MTMR1: variants seen among roughly 807,000 people sequenced by gnomAD.
MTMR1 encodes the protein myotubularin related protein 1.
Under a neutral mutation model 51.6 loss-of-function variants are expected in MTMR1, and 17 were observed. The observed-to-expected ratio is 0.33, with a 90% CI of 0.23 to 0.49. MTMR1 has a LOEUF of 0.49. MTMR1 is among the 20% of genes least tolerant of loss of function. MTMR1 has a pLI of 0.99. For synonymous variants in MTMR1, 201 were observed against 205.6 expected (o/e 0.98, Z 0.19); for missense variants, 386 against 526.9 (o/e 0.73, Z 2.62).
chrX:150,730,852 T>C (rs905750712), intron 8 of MTMR1, among the ~76,000 whole-genome samples: 1 of 112,053 alleles, frequency 8.9e-6, no homozygotes, highest in African/African-American at 3.2e-5. Flanking sequence ...CAAGGACGGG[T>C]TTAAAAACCA....
At chrX:150,699,381 T>C (rs2040822524) in intron 2 of MTMR1, 81 bp downstream of exon 2, 3 of 641,259 alleles carry the variant, frequency 4.7e-6, no homozygotes, top group Non-Finnish European at 7.0e-6. Flanking sequence ...AAGTGAGCTG[T>C]TGGCCTTTTG....
At position 150,752,074 on chromosome X, in the gene MTMR1, G is replaced by A. The variant is rs147627329; in HGVS notation, c.1680+1231G>A. On this transcript the variant is annotated intron_variant, in intron 14 of 15. Coordinates refer to ENST00000445323, the MANE Select transcript of MTMR1 (RefSeq NM_001306144.3). ...TGGGATTATAGGCACCCGCCACCAC[G>A]CCCGGCTAATTTTTTGTATGTTTAG... 2.9e-3 allele frequency among the ~76,000 whole-genome samples: 319 copies of A among 109,165 alleles called. 1 individual carries two copies. The highest frequency in any genetic ancestry group is 0.01 in the African/African-American group (302 of 29,921). The allele number at this position is 109,165 out of a possible 115,157, so 94.8% of individuals were successfully genotyped here.
chrX:150,722,935 C>T (rs991884220), intron 4 of MTMR1, among the ~76,000 whole-genome samples: 1 of 108,292 alleles, frequency 9.2e-6, no homozygotes, highest in Non-Finnish European at 1.9e-5. Context: ...ATGTGCCATG[C>T]TGGTGTGCTG....
chrX:150,711,733 G>A (rs1165661521), intron 2 of MTMR1, among the ~76,000 whole-genome samples: 1 of 112,252 alleles, frequency 8.9e-6, no homozygotes, highest in African/African-American at 3.2e-5. Context: ...GTGCTGGGGC[G>A]GGGAGCGGGC....
chrX:150,743,454 A>T (rs1464317015), intron 12 of MTMR1, among the ~76,000 whole-genome samples: 2 of 112,285 alleles, frequency 1.8e-5, no homozygotes, highest in African/African-American at 6.5e-5. Context: ...TGTCATGTGT[A>T]TTTCACCACA....
chrX:150,755,838 A>G lies in MTMR1; in HGVS notation c.1830A>G (p.Val610=). 8.3e-7 allele frequency: 1 copy of G among 1,204,629 alleles called. No homozygotes were observed. Among genetic ancestry groups the G allele is most frequent in the Non-Finnish European group, 1.1e-6 (1 of 892,782 alleles). ...SHLELWVNYY[V]RWNPRMRPQM... is the part of the protein sequence containing the mutation. ...TGGAATTGTGGGTAAATTATTATGTACGATGGAATCCACGGATGAGACCTC... is the reference window on the plus strand; with the variant it reads ...TGGAATTGTGGGTAAATTATTATGTGCGATGGAATCCACGGATGAGACCTC... Residue 610 remains valine, a synonymous_variant, in exon 15 of 16, where the codon GTA becomes GTG. Transcript: ENST00000445323.
At chrX:150,729,223 CA>C (rs2042037880) in intron 6 of MTMR1, among the ~76,000 whole-genome samples, 4 of 108,524 alleles carry the variant, frequency 3.7e-5, no homozygotes, top group African/African-American at 1.4e-4. Flanking sequence ...CCCACCCACA[CA>C]CACACACACA....
chrX:150,732,620 C>T lies in MTMR1; in HGVS notation c.970C>T (p.Arg324Cys), dbSNP rs1013831689. Residue 324 changes from arginine (R) to cysteine (C), a missense_variant, in exon 10 of 16, where the codon CGC becomes TGC. Physicochemically the swap from Arg to Cys is radical, Grantham distance 180. Transcript: ENST00000445323. ...GCCACTTGTGGGTCCCAATGATAAG[C>T]GCTGCAAAGAGGATGAAAAATACTT... ...SQPLVGPNDK[R>C]CKEDEKYLQT... 11 of 1,210,918 alleles carry T rather than the reference C, an allele frequency of 9.1e-6. No homozygotes were observed. Among genetic ancestry groups the T allele is most frequent in the South Asian group, 1.8e-5 (1 of 56,891 alleles).
In MTMR1 at chrX:150,744,712, A is replaced by G. The variant is rs16996727; in HGVS notation, c.1566+259A>G. Among the ~76,000 whole-genome samples the G allele has an allele frequency of 0.41, 46,000 of 111,050 alleles. 7,207 individuals are homozygous for G. Among genetic ancestry groups the G allele is most frequent in the South Asian group, 0.59 (1,539 of 2,627 alleles). On this transcript the variant is annotated intron_variant, in intron 13 of 15. Transcript: ENST00000445323. ...GTCCAAACCAAGGCCCTACTCCTCT[A>G]TAGATTCTGCTGCTTTTGCTCCCCT...
intron 2 of MTMR1, among the ~76,000 whole-genome samples, chrX:150,701,740 A>C (rs2040913841): frequency 2.7e-5 from 3 of 111,973 alleles, no homozygotes; most frequent in Non-Finnish European, 5.6e-5. Flanking sequence ...AGCTACTTGG[A>C]AGGCTAAGAT....
At chrX:150,712,299 G>GT in intron 2 of MTMR1, 43 bp from the exon 3 acceptor site, 1 of 1,133,775 alleles carries the variant, frequency 8.8e-7, no homozygotes, top group Non-Finnish European at 1.2e-6. Flanking sequence ...CAGGTCAATA[G>GT]TAACATGTCC....
At chrX:150,719,425 A>T (rs1287727636) in intron 4 of MTMR1, among the ~76,000 whole-genome samples, 2 of 111,825 alleles carry the variant, frequency 1.8e-5, no homozygotes, top group African/African-American at 6.5e-5. Flanking sequence ...TCCTCCAATC[A>T]ATTATTGCTG....
intron 2 of MTMR1, among the ~76,000 whole-genome samples, chrX:150,712,022 T>C (rs1488342902): frequency 9.0e-6 from 1 of 111,306 alleles, no homozygotes; most frequent in African/African-American, 3.3e-5. Flanking sequence ...AATGAACTTT[T>C]TGAACACAGC....
intron 12 of MTMR1, among the ~76,000 whole-genome samples, chrX:150,742,992 A>T (rs2042477277): frequency 9.0e-6 from 1 of 110,858 alleles, no homozygotes; most frequent in South Asian, 3.8e-4. Context: ...GGGAATGGGG[A>T]GTTAGTGATT....
intron 3 of MTMR1, chrX:150,714,498 A>G (rs2041427175): frequency 1.0e-6 from 1 of 982,655 alleles, no homozygotes; most frequent in Non-Finnish European, 1.3e-6. Context: ...GAAGAACACA[A>G]TGGCTACCCT....
At chrX:150,720,869 T>C (rs950722986) in intron 4 of MTMR1, among the ~76,000 whole-genome samples, 11 of 111,938 alleles carry the variant, frequency 9.8e-5, no homozygotes, top group Non-Finnish European at 1.9e-4. Context: ...GACATTCTTG[T>C]CTTCTTTCTG....
intron 4 of MTMR1, among the ~76,000 whole-genome samples, chrX:150,723,445 G>A (rs1440464467): frequency 9.1e-6 from 1 of 109,564 alleles, no homozygotes; most frequent in East Asian, 2.9e-4. Context: ...CTTCCACAAT[G>A]GTTGAACTAG....
At chrX:150,721,696 T>G (rs1397183586) in intron 4 of MTMR1, among the ~76,000 whole-genome samples, 1 of 111,578 alleles carries the variant, frequency 9.0e-6, no homozygotes, top group Non-Finnish European at 1.9e-5. Context: ...TTTATTGATT[T>G]TATTGATCTT....
chrX:150,746,138 C>G (rs1296838874), intron 13 of MTMR1, among the ~76,000 whole-genome samples: 2 of 112,033 alleles, frequency 1.8e-5, no homozygotes, highest in African/African-American at 6.5e-5. Flanking sequence ...AGAGACATAC[C>G]TCTAGAAATA....
Sources: allele counts gnomAD v4.1 joint callset (sites outside exome capture counted in the v4.1 genomes callset), GRCh38; gene constraint gnomAD v4.1.1; transcripts MANE v1.5; gene names NCBI Gene and HGNC (gene_info 2026-07-23, HGNC 2026-07-21).